Variants in SPECC1 observed in about 807,000 individuals in gnomAD.
SPECC1 encodes the protein cytospin-B.
Under a neutral mutation model 104.1 loss-of-function variants are expected in SPECC1, and 62 were observed. The ratio of observed to expected loss-of-function variants is 0.60; its 90% CI spans 0.49 to 0.74. The LOEUF (loss-of-function observed/expected upper bound fraction) is 0.74, where lower values mean the gene tolerates loss of function less well. Among genes scored for constraint, SPECC1 ranks in the 30% least tolerant of loss-of-function variants. The probability of loss-of-function intolerance (pLI) is 0.00; values close to 1 mark genes in which losing one functional copy is unlikely to be tolerated. For synonymous variants in SPECC1, 513 were observed against 501.6 expected (o/e 1.02, Z -0.30); for missense variants, 1,306 against 1,310.5 (o/e 1.00, Z 0.05).
Position 20,161,147 on chromosome 17 carries a change from G to T in SPECC1, c.284-43186G>T, listed in dbSNP as rs551796376. 4.7e-3 allele frequency among the ~76,000 whole-genome samples: 716 copies of T among 152,292 alleles called. 7 individuals are homozygous for T. Among genetic ancestry groups the T allele is most frequent in the African/African-American group, 0.016 (676 of 41,552 alleles). ...AATCGCTTGAGCCCGGGAGGCGGAG[G>T]TTGCAGTGAGCTGAGATCGCGCTAC... On this transcript the variant is annotated intron_variant, in intron 3 of 14. Transcript: ENST00000395527.
chr17:20,205,234 A>G lies in SPECC1; in HGVS notation c.1185A>G (p.Leu395=), dbSNP rs150907004. ...CTGCAGAAGAACTACAGGCTACTCT[A>G]CAAGAATTATCAGACCAGCAACAAA... ...HSTAEELQAT[L]QELSDQQQMV... is the part of the protein sequence containing the mutation. Residue 395 remains leucine, a synonymous_variant, in exon 4 of 15, where the codon CTA becomes CTG. Transcript: ENST00000395527. The G allele has an allele frequency of 7.3e-5, 118 of 1,614,190 alleles. No individual in the cohort carries two copies. In the African/African-American group the frequency reaches 1.1e-3, roughly 15 times the overall value.
intron 8 of SPECC1, 63 bp downstream of exon 8, chr17:20,246,134 T>A: frequency 6.3e-7 from 1 of 1,587,604 alleles, no homozygotes; most frequent in Admixed American, 1.7e-5. Flanking sequence ...ACATTTGATA[T>A]GTCTACTATC....
chr17:20,275,590 T>G (rs566033714), intron 12 of SPECC1, among the ~76,000 whole-genome samples: 2 of 152,222 alleles, frequency 1.3e-5, no homozygotes, highest in African/African-American at 4.8e-5. Flanking sequence ...GGGAAACCTT[T>G]CATTTAAGCT....
chr17:20,026,861 T>G (rs527631004), intron 1 of SPECC1, among the ~76,000 whole-genome samples: 2 of 152,144 alleles, frequency 1.3e-5, no homozygotes, highest in African/African-American at 4.8e-5. Context: ...AACCTCAGTA[T>G]TATTTTCCAT....
rs535821199 is a variant in SPECC1, at chr17:20,086,739, G to A, written c.-21-9892G>A. On this transcript the variant is annotated intron_variant, in intron 1 of 14. Transcript: ENST00000395527. The stretch of plus-strand genomic sequence containing the variant: ...TGGGTGGGGGCTCTCGTTATGGAGG[G>A]TCCCTTTTTTGCGTCTGTGCTCAGC... Among the ~76,000 whole-genome samples the A allele has an allele frequency of 2.6e-4, 40 of 152,268 alleles. No individual in the cohort carries two copies. The South Asian group carries it at 8.1e-3, about 31-fold the overall frequency.
intron 1 of SPECC1, among the ~76,000 whole-genome samples, chr17:20,028,543 C>T (rs1238249947): frequency 2.6e-5 from 4 of 151,890 alleles, no homozygotes; most frequent in Admixed American, 2.0e-4. Flanking sequence ...TCTGTACTCT[C>T]AATTATATTC....
At chr17:20,157,796 T>C (rs1597840176) in intron 3 of SPECC1, among the ~76,000 whole-genome samples, 1 of 152,200 alleles carries the variant, frequency 6.6e-6, no homozygotes, top group South Asian at 2.1e-4. Context: ...CATTTCAGAA[T>C]GGGAACTCTG....
chr17:20,172,275 C>G (rs944770984), intron 3 of SPECC1, among the ~76,000 whole-genome samples: 1 of 152,198 alleles, frequency 6.6e-6, no homozygotes, highest in Non-Finnish European at 1.5e-5. Flanking sequence ...CGTGTTACAG[C>G]TGATCCTCCA....
At chr17:20,089,995 C>T (rs1859188145) in intron 1 of SPECC1, among the ~76,000 whole-genome samples, 1 of 152,192 alleles carries the variant, frequency 6.6e-6, no homozygotes, top group African/African-American at 2.4e-5. Flanking sequence ...TGTACACAGG[C>T]AGATGCCAGG....
chr17:20,291,563 A>T (rs549955247), intron 12 of SPECC1, among the ~76,000 whole-genome samples: 349 of 151,884 alleles, frequency 2.3e-3, no homozygotes, highest in East Asian at 8.1e-3. Context: ...TTTTTTTTTT[A>T]AAAGACGGTT....
chr17:20,171,220 G>A (rs2034064148), intron 3 of SPECC1, among the ~76,000 whole-genome samples: 1 of 152,190 alleles, frequency 6.6e-6, no homozygotes, highest in South Asian at 2.1e-4. Flanking sequence ...GGTTAACAAA[G>A]TATGAGTGAG....
chr17:20,280,675 A>G (rs2040738048), intron 12 of SPECC1, among the ~76,000 whole-genome samples: 1 of 152,218 alleles, frequency 6.6e-6, no homozygotes, highest in Non-Finnish European at 1.5e-5. Flanking sequence ...AAAGATTCCT[A>G]ATGTGACTGA....
intron 2 of SPECC1, among the ~76,000 whole-genome samples, chr17:20,109,715 C>T (rs2048388352): frequency 6.6e-6 from 1 of 152,166 alleles, no homozygotes; most frequent in Non-Finnish European, 1.5e-5. Flanking sequence ...CCTCCACCTC[C>T]TCCTGGCCTA....
Position 20,253,485 on chromosome 17 carries a change from T to C in SPECC1, c.2599-20T>C. ...TGATGTTATGAGCTCACCGTGCTGG[T>C]GTCCCCCTGGTTTTTACAGAGGCAT... On this transcript the variant is annotated intron_variant, in intron 9 of 14. Coordinates refer to ENST00000395527, the MANE Select transcript of SPECC1 (RefSeq NM_001243439.2). 1 of 1,613,490 alleles carries C rather than the reference T, an allele frequency of 6.2e-7. No homozygotes were observed. The highest frequency in any genetic ancestry group is 8.5e-7 in the Non-Finnish European group (1 of 1,179,784).
At chr17:20,254,283 T>C (rs1242156215) in intron 10 of SPECC1, among the ~76,000 whole-genome samples, 1 of 152,110 alleles carries the variant, frequency 6.6e-6, no homozygotes, top group Non-Finnish European at 1.5e-5. Flanking sequence ...ATTTCCTGTG[T>C]CACAGGCTGA....
At chr17:20,144,131 G>C (rs1394365549) in intron 3 of SPECC1, among the ~76,000 whole-genome samples, 1 of 150,312 alleles carries the variant, frequency 6.7e-6, no homozygotes, top group Non-Finnish European at 1.5e-5. Flanking sequence ...ATAAGTAAAT[G>C]ACTAGGGCCA....
At chr17:20,087,659 C>T (rs1010524620) in intron 1 of SPECC1, among the ~76,000 whole-genome samples, 3 of 152,108 alleles carry the variant, frequency 2.0e-5, no homozygotes, top group African/African-American at 7.2e-5. Context: ...TATTCATTAA[C>T]TAATATTTGT....
chr17:20,094,465 A>G (rs1330193345), intron 1 of SPECC1, among the ~76,000 whole-genome samples: 1 of 152,124 alleles, frequency 6.6e-6, no homozygotes, highest in African/African-American at 2.4e-5. Context: ...TAGACTCCTG[A>G]AATGTTGGGG....
At chr17:20,254,996 C>T (rs555075096) in intron 10 of SPECC1, among the ~76,000 whole-genome samples, 1 of 152,266 alleles carries the variant, frequency 6.6e-6, no homozygotes, top group African/African-American at 2.4e-5. Context: ...GATTCAAGCC[C>T]TACAGAAATT....
Sources: gnomAD v4.1 joint callset for allele counts (sites outside exome capture counted in the v4.1 genomes callset) on GRCh38, gnomAD v4.1.1 for gene constraint, MANE v1.5 for transcripts, NCBI Gene and HGNC (gene_info 2026-07-23, HGNC 2026-07-21) for gene names.